SLC30A8: variants seen among roughly 807,000 people sequenced by gnomAD.
SLC30A8 encodes the protein solute carrier family 30 member 8.
In SLC30A8, 27 loss-of-function variants were observed where a neutral mutation model predicts 36.9. That is an observed-to-expected ratio of 0.73 (90% confidence interval 0.54 to 1.01). The LOEUF (loss-of-function observed/expected upper bound fraction) is 1.01. Among genes scored for constraint, SLC30A8 ranks in the 50% least tolerant of loss-of-function variants. The pLI is 0.00. For synonymous variants in SLC30A8, 164 were observed against 172.4 expected, an observed-to-expected ratio of 0.95 and a Z score of 0.38; for missense variants, 439 against 452.0, an observed-to-expected ratio of 0.97 and a Z score of 0.26.
intron 1 of SLC30A8, among the ~76,000 whole-genome samples, chr8:116,953,790 A>G (rs10955798): frequency 6.6e-6 from 1 of 151,986 alleles, no homozygotes; most frequent in African/African-American, 2.4e-5. Context: ...TTTATTTCTG[A>G]TTTAATCAAA....
chr8:117,161,601 ATAGT>A (rs1169351655), intron 4 of SLC30A8, 133 bp from the exon 5 acceptor site: 75 of 803,232 alleles, frequency 9.3e-5, no homozygotes, highest in Non-Finnish European at 1.2e-4. Flanking sequence ...TTAGTCAAAG[ATAGT>A]TCTTTTTAAA....
intron 1 of SLC30A8, among the ~76,000 whole-genome samples, chr8:116,979,873 A>G (rs971284003): frequency 6.6e-6 from 1 of 152,212 alleles, no homozygotes; most frequent in African/African-American, 2.4e-5. Context: ...TGCAGCAGAA[A>G]TAAAATGAGA....
intron 1 of SLC30A8, among the ~76,000 whole-genome samples, chr8:117,139,026 G>A (rs1821507771): frequency 6.6e-6 from 1 of 152,034 alleles, no homozygotes; most frequent in South Asian, 2.1e-4. Context: ...TTAAGAGTAG[G>A]CTTGTTGCTT....
Position 117,097,564 on chromosome 8 carries a change from A to G in SLC30A8, c.-225-37716A>G, listed in dbSNP as rs368522089. ...TATAATTTTAAATAATATATATTAT[A>G]TATAATATATAATTTTAAATAATAT... On this transcript the variant is annotated intron_variant, in intron 2 of 10. Coordinates refer to the SLC30A8 transcript ENST00000427715. Among the ~76,000 whole-genome samples the G allele has an allele frequency of 4.1e-3, 328 of 79,954 alleles. 12 individuals are homozygous for G. Among genetic ancestry groups the G allele is most frequent in the African/African-American group, 9.1e-3 (190 of 20,940 alleles). 52.5% of individuals were successfully genotyped at this position (79,954 alleles called of 152,430 possible). A position where few individuals can be genotyped will look rare whatever the true frequency, so the allele number is the denominator to read the frequency against.
At chr8:116,973,461 C>G (rs1814863126) in intron 1 of SLC30A8, among the ~76,000 whole-genome samples, 1 of 152,136 alleles carries the variant, frequency 6.6e-6, no homozygotes, top group Admixed American at 6.5e-5. Flanking sequence ...GAATAAAATA[C>G]CTAGGAATCC....
At chr8:117,070,729 T>C (rs1362725620) in intron 2 of SLC30A8, among the ~76,000 whole-genome samples, 1 of 152,222 alleles carries the variant, frequency 6.6e-6, no homozygotes, top group Non-Finnish European at 1.5e-5. Flanking sequence ...TCAGCAACTT[T>C]CCATTCCCTC....
At chr8:117,171,637 T>C (rs141969296) in intron 7 of SLC30A8, among the ~76,000 whole-genome samples, 218 of 152,312 alleles carry the variant, frequency 1.4e-3, no homozygotes, top group African/African-American at 5.1e-3. Flanking sequence ...ATAGGAATTA[T>C]GGTGGGGTCC....
At chr8:116,995,448 T>C (rs1464438808) in intron 1 of SLC30A8, among the ~76,000 whole-genome samples, 1 of 152,108 alleles carries the variant, frequency 6.6e-6, no homozygotes, top group African/African-American at 2.4e-5. Flanking sequence ...GATTCTCCAC[T>C]GGCAGTACCC....
intron 1 of SLC30A8, among the ~76,000 whole-genome samples, chr8:117,035,005 A>G (rs907777995): frequency 6.6e-6 from 1 of 152,130 alleles, no homozygotes; most frequent in African/African-American, 2.4e-5. Flanking sequence ...GTCACCTCCC[A>G]CCATGTCTCT....
chr8:116,986,339 A>G (rs528164155), intron 1 of SLC30A8, among the ~76,000 whole-genome samples: 71 of 152,140 alleles, frequency 4.7e-4, no homozygotes, highest in African/African-American at 1.6e-3. Context: ...AACTGAGCAA[A>G]CACCTCCTCA....
chr8:116,973,770 G>A (rs1814876328), intron 1 of SLC30A8, among the ~76,000 whole-genome samples: 1 of 152,138 alleles, frequency 6.6e-6, no homozygotes, highest in Non-Finnish European at 1.5e-5. Context: ...GATGCATCAA[G>A]CTACCTGACT....
chr8:117,163,082 T>C (rs1822877591), intron 5 of SLC30A8, among the ~76,000 whole-genome samples: 1 of 152,256 alleles, frequency 6.6e-6, no homozygotes, highest in South Asian at 2.1e-4. Context: ...GTGGGCATAT[T>C]TGTGCATACT....
At chr8:117,124,958 T>C (rs1820840677) in intron 2 of SLC30A8, among the ~76,000 whole-genome samples, 1 of 151,958 alleles carries the variant, frequency 6.6e-6, no homozygotes, top group South Asian at 2.1e-4. Context: ...CAGTAAAGAT[T>C]ATTACATACA....
chr8:117,110,042 T>G (rs530807715), intron 2 of SLC30A8, among the ~76,000 whole-genome samples: 2 of 152,200 alleles, frequency 1.3e-5, no homozygotes, highest in Non-Finnish European at 2.9e-5. Flanking sequence ...TAATGAAGAA[T>G]TTCTGACTTG....
rs899323622 is a variant in SLC30A8, at chr8:117,176,200, C to A, written c.*3519C>A. 6.6e-6 allele frequency: 1 copy of A among 152,332 alleles called. No homozygotes were observed. Among genetic ancestry groups the A allele is most frequent in the African/African-American group, 2.4e-5 (1 of 41,392 alleles). 9.4% of individuals were successfully genotyped at this position (152,332 alleles called of 1,614,324 possible). A position where few individuals can be genotyped will look rare whatever the true frequency, so the allele number is the denominator to read the frequency against. ...GTTAAATTTTGTGACCCAACAAAGT[C>A]TTTTAGCACTGTGGTGTCAAAAAGA... On this transcript the variant is annotated 3_prime_UTR_variant, in exon 8 of 8. Transcript: ENST00000456015.
At chr8:117,104,066 A>G (rs1819859445) in intron 2 of SLC30A8, among the ~76,000 whole-genome samples, 1 of 152,182 alleles carries the variant, frequency 6.6e-6, no homozygotes, top group Admixed American at 6.5e-5. Context: ...GCCTTTGCTG[A>G]CATGGCTGAT....
chr8:117,102,527 TC>T (rs1819771739), intron 2 of SLC30A8, among the ~76,000 whole-genome samples: 2 of 152,126 alleles, frequency 1.3e-5, no homozygotes, highest in Non-Finnish European at 2.9e-5. Flanking sequence ...AACTGAGTAG[TC>T]CAAAGAAACA....
At chr8:116,989,215 TTGC>T (rs1815547670) in intron 1 of SLC30A8, among the ~76,000 whole-genome samples, 1 of 152,218 alleles carries the variant, frequency 6.6e-6, no homozygotes, top group East Asian at 1.9e-4. Flanking sequence ...GCTAAAATGC[TTGC>T]TGAAGAAGAA....
At chr8:117,072,256 T>A (rs1309291788) in intron 2 of SLC30A8, among the ~76,000 whole-genome samples, 2 of 152,192 alleles carry the variant, frequency 1.3e-5, no homozygotes, top group Non-Finnish European at 2.9e-5. Context: ...CACTGCTTAA[T>A]CCCTCGCCCA....
Sources: allele counts gnomAD v4.1 joint callset (sites outside exome capture counted in the v4.1 genomes callset), GRCh38; gene constraint gnomAD v4.1.1; transcripts MANE v1.5; gene names NCBI Gene and HGNC (gene_info 2026-07-23, HGNC 2026-07-21).